CCT8L2: variants seen among roughly 807,000 people sequenced by gnomAD.
The protein encoded by CCT8L2 is T-complex protein 1 subunit theta-like 2.
In CCT8L2, 29 loss-of-function variants were observed where a neutral mutation model predicts 31.5. The observed-to-expected ratio is 0.92, with a 90% CI of 0.68 to 1.25. The LOEUF (loss-of-function observed/expected upper bound fraction) is 1.25. Among genes scored for constraint, CCT8L2 ranks in the 50% most tolerant of loss-of-function variants. CCT8L2 has a pLI of 0.00. For synonymous variants in CCT8L2, 256 were observed against 290.1 expected (o/e 0.88, Z 1.19); for missense variants, 589 against 695.7 (o/e 0.85, Z 1.73).
At position 16,591,246 on chromosome 22, in the gene CCT8L2, C is replaced by T; in HGVS notation, c.1305G>A (p.Gly435=). The change falls in exon 1 of 1, where the codon GGG becomes GGA. Residue 435 remains glycine, a synonymous_variant. Transcript: ENST00000359963. ...DKGSRLEGPS[G]PAFLAFAWAL... ...CCCAGGCAAATGCTAGGAATGCAGGCCCACTGGGCCCTTCCAATCTGCTTC... is the reference window on the plus strand; with the variant it reads ...CCCAGGCAAATGCTAGGAATGCAGGTCCACTGGGCCCTTCCAATCTGCTTC... The T allele has an allele frequency of 6.2e-7, 1 of 1,614,040 alleles. No homozygotes were observed. Among genetic ancestry groups the T allele is most frequent in the Non-Finnish European group, 8.5e-7 (1 of 1,179,878 alleles).
rs1316641813 is a variant in CCT8L2 at position 16,591,116 on chromosome 22, C to A, written c.1435G>T (p.Gly479Cys). 3 of 1,613,902 alleles carry A rather than the reference C, an allele frequency of 1.9e-6. No homozygotes were observed. In the African/African-American group the frequency reaches 4.0e-5, roughly 22 times the overall value. ...TTTATTATCCCTTCAGTTCCCACACCCATTAGGAGGTTCCCACCTTGGTGC... is the reference window on the plus strand; with the variant it reads ...TTTATTATCCCTTCAGTTCCCACACACATTAGGAGGTTCCCACCTTGGTGC... ...GVHQGGNLLMGVGTEGIINVA... is the reference protein window; with the variant it reads ...GVHQGGNLLMCVGTEGIINVA... Residue 479 changes from glycine (G) to cysteine (C), a missense_variant, in exon 1 of 1, where the codon GGT becomes TGT. Coordinates refer to ENST00000359963, the MANE Select transcript of CCT8L2 (RefSeq NM_014406.5).
Position 16,591,452 on chromosome 22 carries a change from A to G in CCT8L2, c.1099T>C (p.Cys367Arg), listed in dbSNP as rs1244861058. ...ACAGTGAGGGCAGGTGTGCCTGTAC[A>G]TTCCCATTCAAATACCACAGCCAAA... ...DGLAVVFEWE[C>R]TGTPALTVVL... The change falls in exon 1 of 1, where the codon TGT becomes CGT. Residue 367 changes from cysteine to arginine, a missense_variant. Transcript: ENST00000359963. 3 of 1,614,054 alleles carry G rather than the reference A, an allele frequency of 1.9e-6. No individual in the cohort carries two copies. The highest frequency in any genetic ancestry group is 1.7e-5 in the Admixed American group (1 of 60,012).
At position 16,591,094 on chromosome 22, in the gene CCT8L2, A is replaced by C; in HGVS notation, c.1457T>G (p.Ile486Arg). The C allele has an allele frequency of 6.2e-7, 1 of 1,613,916 alleles. No individual in the cohort carries two copies. The highest frequency in any genetic ancestry group is 2.2e-5 in the East Asian group (1 of 44,876). Residue 486 changes from isoleucine (I) to arginine (R), a missense_variant, in exon 1 of 1, where the codon ATA (isoleucine) becomes AGA (arginine). Ile to Arg is a moderately conservative substitution (Grantham distance 97). Transcript: ENST00000359963. ...CCACACCCCTTCCTGGGCCACATTT[A>C]TTATCCCTTCAGTTCCCACACCCAT... is the stretch of plus-strand genomic sequence containing the variant. ...LLMGVGTEGIINVAQEGVWDT... is the reference protein window; with the variant it reads ...LLMGVGTEGIRNVAQEGVWDT...
In CCT8L2 at chr22:16,591,553, G is replaced by C. The variant is rs369424741; in HGVS notation, c.998C>G (p.Pro333Arg). The change falls in exon 1 of 1, where the codon CCT becomes CGT. Residue 333 changes from proline (P) to arginine (R), a missense_variant. Pro to Arg is a moderately radical substitution (Grantham distance 103). Transcript: ENST00000359963. Reference sequence around the variant, plus strand: ...GGGAGGGAGCAGACGAGGCAGCAGAGGTGTGTCCAACACCTCACTCAGGTA... The same window carrying C: ...GGGAGGGAGCAGACGAGGCAGCAGACGTGTGTCCAACACCTCACTCAGGTA... ...IIYLSEVLDT[P>R]LLPRLLPPQR... 43 of 1,614,066 alleles carry C rather than the reference G, an allele frequency of 2.7e-5. No homozygotes were observed. The African/African-American group carries it at 5.6e-4, about 21-fold the overall frequency.
Position 16,591,441 on chromosome 22 carries a change from T to A in CCT8L2, c.1110A>T (p.Thr370=). 1.9e-6 allele frequency: 3 copies of A among 1,614,088 alleles called. No homozygotes were observed. Among genetic ancestry groups the A allele is most frequent in the Non-Finnish European group, 1.7e-6 (2 of 1,179,954 alleles). ...AVVFEWECTG[T]PALTVVLRGA... ...CCCTGAGAACCACAGTGAGGGCAGGTGTGCCTGTACATTCCCATTCAAATA... is the reference window on the plus strand; with the variant it reads ...CCCTGAGAACCACAGTGAGGGCAGGAGTGCCTGTACATTCCCATTCAAATA... The change falls in exon 1 of 1, where the codon ACA becomes ACT. Residue 370 remains threonine, a synonymous_variant. Coordinates refer to ENST00000359963, the MANE Select transcript of CCT8L2 (RefSeq NM_014406.5).
chr22:16,591,806 C>A lies in CCT8L2; in HGVS notation c.745G>T (p.Gly249Cys), dbSNP rs2059591346. The A allele has an allele frequency of 6.2e-7, 1 of 1,614,158 alleles. No homozygotes were observed. Among genetic ancestry groups the A allele is most frequent in the Non-Finnish European group, 8.5e-7 (1 of 1,180,032 alleles). ...GCTGGTGCATTTGGATGGGCAGGAC[C>A]AAAGGGGCAAGCAAAGAGAGCCACC... is the stretch of plus-strand genomic sequence containing the variant. ...ARVALFACPF[G>C]PAHPNAPATA... Residue 249 changes from glycine to cysteine, a missense_variant, in exon 1 of 1, where the codon GGT becomes TGT. Transcript: ENST00000359963.
At position 16,592,279 on chromosome 22, in the gene CCT8L2, C is replaced by T. The variant is rs573220545; in HGVS notation, c.272G>A (p.Arg91Gln). The change falls in exon 1 of 1, where the codon CGG becomes CAG. Residue 91 changes from arginine to glutamine, a missense_variant. Transcript: ENST00000359963. ...CTCTGCCTGGGTTTGTCCTGCTTCC[C>T]GGAGGAGCCATGCTGCTGGGTGCTC... The part of the protein sequence containing the change: ...ELEHPAAWLL[R>Q]EAGQTQAENS... 26 of 1,614,248 alleles carry T rather than the reference C, an allele frequency of 1.6e-5. No homozygotes were observed. The highest frequency in any genetic ancestry group is 1.6e-4 in the Middle Eastern group (1 of 6,062).
Position 16,590,894 on chromosome 22 carries a change from G to A in CCT8L2, c.1657C>T (p.Leu553Phe), listed in dbSNP as rs1447379647. 6.2e-7 allele frequency: 1 copy of A among 1,609,774 alleles called. No homozygotes were observed. Among genetic ancestry groups the A allele is most frequent in the Non-Finnish European group, 8.5e-7 (1 of 1,178,488 alleles). The part of the protein sequence containing the change: ...HPPPVETKKI[L>F]GLNN ...GGGTATCACTAGTTATTCAATCCAAGGATTTTTTTTGTTTCCACAGGAGGT... is the reference window on the plus strand; with the variant it reads ...GGGTATCACTAGTTATTCAATCCAAAGATTTTTTTTGTTTCCACAGGAGGT... The change falls in exon 1 of 1, where the codon CTT becomes TTT. Residue 553 changes from leucine to phenylalanine, a missense_variant. Transcript: ENST00000359963.
In CCT8L2 at chr22:16,590,819, A is replaced by T. The variant is rs1359771615; in HGVS notation, c.*58T>A. ...TACCAAACACGGAATAAAGGCAAACATTCATTTTTGGGGTGATTGTTCCCT... is the reference window on the plus strand; with the variant it reads ...TACCAAACACGGAATAAAGGCAAACTTTCATTTTTGGGGTGATTGTTCCCT... On this transcript the variant is annotated 3_prime_UTR_variant, in exon 1 of 1. Transcript: ENST00000359963. The T allele has an allele frequency of 1.7e-6, 2 of 1,177,854 alleles. No homozygotes were observed. The highest frequency in any genetic ancestry group is 2.4e-6 in the Non-Finnish European group (2 of 822,544). The allele number at this position is 1,177,854 out of a possible 1,614,324, so 73.0% of individuals were successfully genotyped here.
Position 16,591,081 on chromosome 22 carries a change from C to T in CCT8L2, c.1470G>A (p.Gln490=), listed in dbSNP as rs375155952. ...VGTEGIINVA[Q]EGVWDTLIVK... ...CTATTAGGGTGTCCCACACCCCTTC[C>T]TGGGCCACATTTATTATCCCTTCAG... The change falls in exon 1 of 1, where the codon CAG becomes CAA. Residue 490 remains glutamine (Q), a synonymous_variant. Transcript: ENST00000359963. The T allele has an allele frequency of 2.5e-6, 4 of 1,614,016 alleles. No homozygotes were observed. Among genetic ancestry groups the T allele is most frequent in the Non-Finnish European group, 3.4e-6 (4 of 1,179,870 alleles).
rs774705418 is a variant in CCT8L2 at position 16,591,930 on chromosome 22, C to T, written c.621G>A (p.Ala207=). Residue 207 remains alanine (A), a synonymous_variant, in exon 1 of 1, where the codon GCG becomes GCA. Transcript: ENST00000359963. ...SFKPERVGVC[A]LPGGTLEDSC... ...AATCCTCCAGTGTCCCCCCGGGCAGCGCGCACACCCCAACACGCTCAGGCT... is the reference window on the plus strand; with the variant it reads ...AATCCTCCAGTGTCCCCCCGGGCAGTGCGCACACCCCAACACGCTCAGGCT... 1.5e-5 allele frequency: 24 copies of T among 1,613,968 alleles called. No homozygotes were observed. In the East Asian group the frequency reaches 3.3e-4, roughly 22 times the overall value.
Position 16,591,472 on chromosome 22 carries a change from G to A in CCT8L2, c.1079C>T (p.Ala360Val), listed in dbSNP as rs1240150440. The A allele has an allele frequency of 1.9e-6, 3 of 1,614,006 alleles. No homozygotes were observed. The East Asian group carries it at 6.7e-5, about 36-fold the overall frequency. The change falls in exon 1 of 1, where the codon GCT becomes GTT. Residue 360 changes from alanine (A) to valine (V), a missense_variant. By Grantham distance (64) the Ala-to-Val change is moderately conservative. Coordinates refer to ENST00000359963, the MANE Select transcript of CCT8L2 (RefSeq NM_014406.5). ...TGTACATTCCCATTCAAATACCACA[G>A]CCAAACCATCTCCCAGCTCCTGCCT... ...VYRQELGDGL[A>V]VVFEWECTGT...
Position 16,592,279 on chromosome 22 carries a change from C to G in CCT8L2, c.272G>C (p.Arg91Pro), listed in dbSNP as rs573220545. 1 of 1,614,130 alleles carries G rather than the reference C, an allele frequency of 6.2e-7. No individual in the cohort carries two copies. Among genetic ancestry groups the G allele is most frequent in the African/African-American group, 1.3e-5 (1 of 74,946 alleles). ...ELEHPAAWLL[R>P]EAGQTQAENS... ...CTCTGCCTGGGTTTGTCCTGCTTCCCGGAGGAGCCATGCTGCTGGGTGCTC... is the reference window on the plus strand; with the variant it reads ...CTCTGCCTGGGTTTGTCCTGCTTCCGGGAGGAGCCATGCTGCTGGGTGCTC... The change falls in exon 1 of 1, where the codon CGG becomes CCG. Residue 91 changes from arginine to proline, a missense_variant. Arg to Pro is a moderately radical substitution (Grantham distance 103). Coordinates refer to ENST00000359963, the MANE Select transcript of CCT8L2 (RefSeq NM_014406.5).
In CCT8L2 at chr22:16,591,344, A is replaced by T; in HGVS notation, c.1207T>A (p.Cys403Ser). The change falls in exon 1 of 1, where the codon TGT (cysteine) becomes AGT (serine). Residue 403 changes from cysteine (C) to serine (S), a missense_variant. By Grantham distance (112) the Cys-to-Ser change is moderately radical. Coordinates refer to ENST00000359963, the MANE Select transcript of CCT8L2 (RefSeq NM_014406.5). Reference sequence around the variant, plus strand: ...CCTGGAATCAGTCTGGGATCTTGACATAGCTGGAAATAGGCATCAATGCCG... The same window carrying T: ...CCTGGAATCAGTCTGGGATCTTGACTTAGCTGGAAATAGGCATCAATGCCG... Reference protein sequence around the residue: ...YHGIDAYFQLCQDPRLIPGAG... With the variant: ...YHGIDAYFQLSQDPRLIPGAG... The T allele has an allele frequency of 6.2e-7, 1 of 1,614,040 alleles. No homozygotes were observed. The highest frequency in any genetic ancestry group is 1.1e-5 in the South Asian group (1 of 91,074).
At position 16,591,517 on chromosome 22, in the gene CCT8L2, C is replaced by T. The variant is rs2146027869; in HGVS notation, c.1034G>A (p.Gly345Asp). The change falls in exon 1 of 1, where the codon GGC becomes GAC. Residue 345 changes from glycine (G) to aspartate (D), a missense_variant. Physicochemically the swap from Gly to Asp is moderately conservative, Grantham distance 94 (BLOSUM62 -1). Coordinates refer to ENST00000359963, the MANE Select transcript of CCT8L2 (RefSeq NM_014406.5). Reference protein sequence around the residue: ...LPRLLPPQRPGKCQRVYRQEL... With the variant: ...LPRLLPPQRPDKCQRVYRQEL... ...CTGCCTGTAAACCCTCTGGCACTTG[C>T]CTGGCCTCTGGGGAGGGAGCAGACG... The T allele has an allele frequency of 6.2e-7, 1 of 1,614,216 alleles. No homozygotes were observed. Among genetic ancestry groups the T allele is most frequent in the African/African-American group, 1.3e-5 (1 of 75,056 alleles).
At position 16,592,246 on chromosome 22, in the gene CCT8L2, C is replaced by A; in HGVS notation, c.305G>T (p.Gly102Val). Residue 102 changes from glycine (G) to valine (V), a missense_variant, in exon 1 of 1, where the codon GGG becomes GTG. Gly to Val is a moderately radical substitution (Grantham distance 109, BLOSUM62 -3). Transcript: ENST00000359963. ...EAGQTQAENS[G>V]DGTAFVVLLT... ...CAGAACCACGAAGGCTGTGCCGTCC[C>A]CACTATTCTCTGCCTGGGTTTGTCC... The A allele has an allele frequency of 6.2e-7, 1 of 1,614,262 alleles. No homozygotes were observed. The highest frequency in any genetic ancestry group is 1.7e-5 in the Admixed American group (1 of 60,034).
At position 16,592,142 on chromosome 22, in the gene CCT8L2, C is replaced by T. The variant is rs368569729; in HGVS notation, c.409G>A (p.Ala137Thr). The change falls in exon 1 of 1, where the codon GCC becomes ACC. Residue 137 changes from alanine (A) to threonine (T), a missense_variant. Physicochemically the swap from Ala to Thr is moderately conservative, Grantham distance 58. Transcript: ENST00000359963. ...LPRPQLREAY[A>T]TATAEVLATL... is the part of the protein sequence containing the mutation. ...GCCAGGACCTCTGCAGTGGCCGTGGCGTAGGCCTCCCGGAGCTGCGGGCGA... is the reference window on the plus strand; with the variant it reads ...GCCAGGACCTCTGCAGTGGCCGTGGTGTAGGCCTCCCGGAGCTGCGGGCGA... The T allele has an allele frequency of 5.9e-5, 95 of 1,614,148 alleles. 1 individual carries two copies. In the African/African-American group the frequency reaches 8.5e-4, roughly 14 times the overall value.
rs564297496 is a variant in CCT8L2 at position 16,591,313 on chromosome 22, C to T, written c.1238G>A (p.Gly413Glu). The change falls in exon 1 of 1, where the codon GGG becomes GAG. Residue 413 changes from glycine (G) to glutamate (E), a missense_variant. Coordinates refer to ENST00000359963, the MANE Select transcript of CCT8L2 (RefSeq NM_014406.5). The part of the protein sequence containing the change: ...CQDPRLIPGA[G>E]ATEMALAKML... Reference sequence around the variant, plus strand: ...TTTTGCCAAAGCCATTTCTGTGGCCCCAGCTCCTGGAATCAGTCTGGGATC... The same window carrying T: ...TTTTGCCAAAGCCATTTCTGTGGCCTCAGCTCCTGGAATCAGTCTGGGATC... 65 of 1,614,052 alleles carry T rather than the reference C, an allele frequency of 4.0e-5. 3 individuals carry two copies. The South Asian group carries it at 7.1e-4, about 18-fold the overall frequency.
rs140747983 is a variant in CCT8L2, at chr22:16,592,308, C to T, written c.243G>A (p.Glu81=). ...GGAGCCATGCTGCTGGGTGCTCCAGCTCCAGGGCCCTGAGGATGGCAGTGG... is the reference window on the plus strand; with the variant it reads ...GGAGCCATGCTGCTGGGTGCTCCAGTTCCAGGGCCCTGAGGATGGCAGTGG... ...GCATAILRAL[E]LEHPAAWLLR... Residue 81 remains glutamate (E), a synonymous_variant, in exon 1 of 1, where the codon GAG becomes GAA. Transcript: ENST00000359963. 7.8e-4 allele frequency: 1,256 copies of T among 1,614,228 alleles called. 12 individuals carry two copies. In the African/African-American group the frequency reaches 0.015, roughly 19 times the overall value.
Sources: allele counts gnomAD v4.1 joint callset, GRCh38; gene constraint gnomAD v4.1.1; transcripts MANE v1.5; gene names NCBI Gene and HGNC (gene_info 2026-07-23, HGNC 2026-07-21).